The following RBM19 variants were observed in gnomAD, a reference collection of about 807,000 sequenced individuals.
The protein encoded by RBM19 is RNA binding motif protein 19.
RBM19 carries 94 observed loss-of-function variants against 116.8 expected under a neutral mutation model. The ratio of observed to expected loss-of-function variants is 0.80; its 90% CI spans 0.68 to 0.95. The LOEUF (loss-of-function observed/expected upper bound fraction) is 0.95, where lower values mean the gene tolerates loss of function less well. RBM19 is among the 40% of genes least tolerant of loss of function. The pLI is 0.00. For synonymous variants in RBM19, 475 were observed against 494.1 expected, an observed-to-expected ratio of 0.96 and a Z score of 0.51; for missense variants, 1,161 against 1,220.7, an observed-to-expected ratio of 0.95 and a Z score of 0.73.
chr12:113,934,890 C>T (rs974278668), intron 16 of RBM19, among the ~76,000 whole-genome samples: 1 of 152,104 alleles, frequency 6.6e-6, no homozygotes, highest in Non-Finnish European at 1.5e-5. Context: ...TTCGAAGGAA[C>T]AGAGAGGCAG....
intron 23 of RBM19, among the ~76,000 whole-genome samples, chr12:113,832,623 A>G (rs1468599123): frequency 6.6e-6 from 1 of 152,150 alleles, no homozygotes; most frequent in East Asian, 1.9e-4. Context: ...CCTCCTGCTG[A>G]GGCCTTCAAC....
chr12:113,929,565 C>T (rs373060731), intron 16 of RBM19, among the ~76,000 whole-genome samples: 1 of 152,162 alleles, frequency 6.6e-6, no homozygotes, highest in South Asian at 2.1e-4. Flanking sequence ...ATGGTGAGAA[C>T]GAAAGCTATG....
At chr12:113,873,494 G>A (rs1879438995) in intron 21 of RBM19, among the ~76,000 whole-genome samples, 1 of 96,164 alleles carries the variant, frequency 1.0e-5, no homozygotes. Flanking sequence ...TGCTCGTTAA[G>A]AGTCATCACC....
chr12:113,946,575 A>G, intron 11 of RBM19, 100 bp from the exon 12 acceptor site: 1 of 1,522,454 alleles, frequency 6.6e-7, no homozygotes, highest in Non-Finnish European at 9.0e-7. Flanking sequence ...AGCTGGACCC[A>G]GCACTGAAAC....
intron 23 of RBM19, among the ~76,000 whole-genome samples, chr12:113,838,468 G>C (rs891717463): frequency 2.6e-5 from 4 of 152,206 alleles, no homozygotes; most frequent in Admixed American, 1.3e-4. Context: ...AACATGGGGA[G>C]AGCATGCATA....
chr12:113,881,646 A>G (rs1020802504), intron 21 of RBM19, among the ~76,000 whole-genome samples: 1 of 152,182 alleles, frequency 6.6e-6, no homozygotes, highest in African/African-American at 2.4e-5. Context: ...TCAAGGGCCC[A>G]TTTCATGGAA....
intron 1 of RBM19, among the ~76,000 whole-genome samples, chr12:113,963,746 C>A (rs1872669266): frequency 6.6e-6 from 1 of 152,210 alleles, no homozygotes; most frequent in South Asian, 2.1e-4. Context: ...CTTTCTGGCA[C>A]CAAAGTCTCA....
intron 23 of RBM19, among the ~76,000 whole-genome samples, chr12:113,843,208 G>C (rs923317970): frequency 2.6e-5 from 4 of 152,238 alleles, no homozygotes; most frequent in Non-Finnish European, 4.4e-5. Flanking sequence ...GGTCAGGCGA[G>C]GGAATAATCA....
chr12:113,874,420 A>G (rs1285310800), intron 21 of RBM19, among the ~76,000 whole-genome samples: 1 of 152,186 alleles, frequency 6.6e-6, no homozygotes, highest in Non-Finnish European at 1.5e-5. Context: ...GGCCATGCCA[A>G]ATGCTCTACA....
intron 21 of RBM19, among the ~76,000 whole-genome samples, chr12:113,871,748 G>C (rs575654034): frequency 2.0e-5 from 3 of 152,350 alleles, no homozygotes; most frequent in East Asian, 1.9e-4. Flanking sequence ...AGTGTCCCCA[G>C]ACTGTGGCCT....
chr12:113,858,100 T>A (rs1878050354), intron 22 of RBM19, among the ~76,000 whole-genome samples: 1 of 152,232 alleles, frequency 6.6e-6, no homozygotes, highest in South Asian at 2.1e-4. Flanking sequence ...GGGCAGTGGC[T>A]TTGGGTACAG....
chr12:113,873,689 TAAAAAA>T (rs146761765), intron 21 of RBM19, among the ~76,000 whole-genome samples: 9 of 127,692 alleles, frequency 7.0e-5, no homozygotes, highest in Non-Finnish European at 1.5e-4. Flanking sequence ...AAAAATAAAT[TAAAAAA>T]AAAAAAAAAA....
intron 21 of RBM19, among the ~76,000 whole-genome samples, chr12:113,894,988 G>A (rs1881221195): frequency 6.6e-6 from 1 of 152,210 alleles, no homozygotes; most frequent in Admixed American, 6.5e-5. Context: ...CAGGGGACGT[G>A]GCACACAATG....
chr12:113,908,499 T>C (rs1882215847), intron 21 of RBM19, among the ~76,000 whole-genome samples: 1 of 132,956 alleles, frequency 7.5e-6, no homozygotes, highest in Non-Finnish European at 1.5e-5. Flanking sequence ...GTAATTAAGA[T>C]CTCCAGACAC....
chr12:113,839,370 T>C (rs1331763630), intron 23 of RBM19, among the ~76,000 whole-genome samples: 1 of 152,172 alleles, frequency 6.6e-6, no homozygotes, highest in Non-Finnish European at 1.5e-5. Context: ...CAATAGGTGT[T>C]TCAGTGGGTG....
intron 16 of RBM19, among the ~76,000 whole-genome samples, chr12:113,936,288 T>C (rs566132949): frequency 6.6e-6 from 1 of 152,330 alleles, no homozygotes; most frequent in South Asian, 2.1e-4. Context: ...ACCATGGTCC[T>C]GTTGGTCTTG....
intron 22 of RBM19, among the ~76,000 whole-genome samples, chr12:113,848,595 T>G (rs1314411757): frequency 6.6e-6 from 1 of 151,948 alleles, no homozygotes; most frequent in Non-Finnish European, 1.5e-5. Context: ...CAAGGGGCTT[T>G]TGGGTTGGCA....
At chr12:113,873,732 A>G (rs912396371) in intron 21 of RBM19, among the ~76,000 whole-genome samples, 8 of 152,008 alleles carry the variant, frequency 5.3e-5, no homozygotes, top group Admixed American at 3.9e-4. Context: ...TATTTTAGGA[A>G]GATTTCCACT....
intron 21 of RBM19, among the ~76,000 whole-genome samples, chr12:113,886,281 C>T (rs1008965679): frequency 2.0e-5 from 3 of 152,146 alleles, no homozygotes; most frequent in African/African-American, 4.8e-5. Context: ...TACAGGCATG[C>T]ACCACCATGC....
Sources: gnomAD v4.1 joint callset for allele counts (sites outside exome capture counted in the v4.1 genomes callset) on GRCh38, gnomAD v4.1.1 for gene constraint, MANE v1.5 for transcripts, NCBI Gene and HGNC (gene_info 2026-07-23, HGNC 2026-07-21) for gene names.